The following SELENOF variants were observed in gnomAD, a reference collection of about 807,000 sequenced individuals.
SELENOF encodes the protein 15 kDa selenoprotein.
Under a neutral mutation model 20.5 loss-of-function variants are expected in SELENOF, and 16 were observed. That is an observed-to-expected ratio of 0.78 (90% confidence interval 0.53 to 1.19). The LOEUF is 1.19. SELENOF is among the 50% of genes most tolerant of loss of function. The probability of loss-of-function intolerance (pLI) is 0.00; values close to 1 mark genes in which losing one functional copy is unlikely to be tolerated. For missense variants in SELENOF, 215 were observed against 194.2 expected (o/e 1.11, Z -0.64); for synonymous variants, 78 against 74.5 (o/e 1.05, Z -0.24).
chr1:86,901,993 A>C (rs1009419823), intron 2 of SELENOF, among the ~76,000 whole-genome samples: 2 of 152,194 alleles, frequency 1.3e-5, no homozygotes, highest in African/African-American at 4.8e-5. Context: ...TTGGTTGAGT[A>C]GTAGTACAGC....
At chr1:86,872,800 T>G (rs1251673541) in intron 3 of SELENOF, among the ~76,000 whole-genome samples, 1 of 151,864 alleles carries the variant, frequency 6.6e-6, no homozygotes, top group Admixed American at 6.6e-5. Context: ...CCCAGCACTT[T>G]GGGAGGCCGA....
chr1:86,896,975 T>C (rs1659541014), intron 2 of SELENOF, among the ~76,000 whole-genome samples: 1 of 151,900 alleles, frequency 6.6e-6, no homozygotes, highest in Admixed American at 6.6e-5. Context: ...AAATACTGTG[T>C]GCTAAAGGCT....
intron 3 of SELENOF, among the ~76,000 whole-genome samples, chr1:86,876,396 G>A (rs1658924388): frequency 6.6e-6 from 1 of 152,128 alleles, no homozygotes; most frequent in African/African-American, 2.4e-5. Flanking sequence ...TAAAGCCTTT[G>A]TATTAAAAAT....
intron 3 of SELENOF, among the ~76,000 whole-genome samples, chr1:86,873,012 A>G (rs2740770): frequency 0.12 from 18,463 of 151,658 alleles, 1,217 homozygotes; most frequent in Non-Finnish European, 0.14. Context: ...GCGCCACTGC[A>G]CTCCAGCCTG....
At position 86,898,872 on chromosome 1, in the gene SELENOF, G is replaced by A. The variant is rs564863431; in HGVS notation, c.252+4409C>T. On this transcript the variant is annotated intron_variant, in intron 2 of 4. Coordinates refer to ENST00000331835, the MANE Select transcript of SELENOF (RefSeq NM_004261.5). ...GGTCATAGGACAATAGTGGAGGGAAGGTCAGCAGATAAACAAGTGAACAAA... is the reference window on the plus strand; with the variant it reads ...GGTCATAGGACAATAGTGGAGGGAAAGTCAGCAGATAAACAAGTGAACAAA... Among the ~76,000 whole-genome samples, 41 of 151,604 alleles carry A rather than the reference G, an allele frequency of 2.7e-4. No individual in the cohort carries two copies. In the East Asian group the frequency reaches 7.7e-3, roughly 29 times the overall value.
rs950187958 is a variant in SELENOF at position 86,894,548 on chromosome 1, C to G, written c.252+8733G>C. 5.3e-5 allele frequency among the ~76,000 whole-genome samples: 8 copies of G among 152,130 alleles called. No homozygotes were observed. In the East Asian group the frequency reaches 1.2e-3, roughly 22 times the overall value. On this transcript the variant is annotated intron_variant, in intron 2 of 4. Transcript: ENST00000331835. ...TAGGTTTGTCATAGAAAATTGAGCTCTACCTGGACAACTGGGTGTGTTGGT... is the reference window on the plus strand; with the variant it reads ...TAGGTTTGTCATAGAAAATTGAGCTGTACCTGGACAACTGGGTGTGTTGGT...
intron 1 of SELENOF, among the ~76,000 whole-genome samples, chr1:86,906,675 A>G (rs1023838706): frequency 1.3e-5 from 2 of 152,224 alleles, no homozygotes; most frequent in Non-Finnish European, 2.9e-5. Flanking sequence ...TGAAAACTCC[A>G]GCTGACAACC....
chr1:86,887,340 G>A (rs1486264148), intron 2 of SELENOF: 2 of 943,932 alleles, frequency 2.1e-6, no homozygotes, highest in African/African-American at 1.7e-5. Flanking sequence ...ACAAAGCAAT[G>A]AGTTTATGCC....
At chr1:86,888,675 T>A (rs939974646) in intron 2 of SELENOF, among the ~76,000 whole-genome samples, 27 of 152,218 alleles carry the variant, frequency 1.8e-4, no homozygotes, top group African/African-American at 5.5e-4. Context: ...ATATATATAT[T>A]TTTTTGAGAC....
At chr1:86,909,255 T>A (rs550215465) in intron 1 of SELENOF, among the ~76,000 whole-genome samples, 23 of 152,342 alleles carry the variant, frequency 1.5e-4, no homozygotes, top group African/African-American at 5.5e-4. Context: ...TTTTCAACAA[T>A]TATCTATACT....
upstream of SELENOF, chr1:86,914,420 T>C (rs563786563): frequency 1.4e-5 from 6 of 434,908 alleles, no homozygotes; most frequent in East Asian, 2.6e-4. Context: ...CCCGCCTTCT[T>C]CTCCAAGTTT....
intron 2 of SELENOF, among the ~76,000 whole-genome samples, chr1:86,902,330 G>GA (rs1431091725): frequency 6.6e-6 from 1 of 152,156 alleles, no homozygotes; most frequent in Non-Finnish European, 1.5e-5. Context: ...TTCAGATACA[G>GA]AGAAATCAAG....
intron 4 of SELENOF, among the ~76,000 whole-genome samples, chr1:86,865,135 C>T (rs1252097001): frequency 6.6e-6 from 1 of 151,776 alleles, no homozygotes; most frequent in Non-Finnish European, 1.5e-5. Context: ...AATTATATGC[C>T]ACAATCAGTT....
chr1:86,880,271 G>A (rs1372775026), intron 3 of SELENOF, among the ~76,000 whole-genome samples: 1 of 152,008 alleles, frequency 6.6e-6, no homozygotes, highest in African/African-American at 2.4e-5. Flanking sequence ...GAGTAGCTGG[G>A]ATTATAGGCA....
intron 2 of SELENOF, among the ~76,000 whole-genome samples, chr1:86,892,873 T>C (rs896336033): frequency 1.3e-5 from 2 of 152,214 alleles, no homozygotes; most frequent in Admixed American, 6.5e-5. Context: ...ATTATTAATA[T>C]TGTTAAGTAC....
chr1:86,881,176 A>G (rs1441451109), intron 2 of SELENOF, among the ~76,000 whole-genome samples: 1 of 149,598 alleles, frequency 6.7e-6, no homozygotes, highest in Non-Finnish European at 1.5e-5. Context: ...TTAAAATTAA[A>G]ACAATCGTTA....
intron 3 of SELENOF, among the ~76,000 whole-genome samples, chr1:86,880,232 T>C (rs1203505923): frequency 6.6e-6 from 1 of 151,064 alleles, no homozygotes; most frequent in African/African-American, 2.4e-5. Context: ...GCCTCCCGGG[T>C]TCAAGTGATT....
Position 86,903,025 on chromosome 1 carries a change from G to T in SELENOF, c.252+256C>A, listed in dbSNP as rs184538899. ...AGTTAGGAAGACTGGAGAACTACAG[G>T]ATCAAAGCATGTTATAGGGATTCTA... On this transcript the variant is annotated intron_variant, in intron 2 of 4. Transcript: ENST00000331835. Among the ~76,000 whole-genome samples, 817 of 152,310 alleles carry T rather than the reference G, an allele frequency of 5.4e-3. 10 individuals carry two copies. The highest frequency in any genetic ancestry group is 0.019 in the African/African-American group (775 of 41,562).
intron 2 of SELENOF, among the ~76,000 whole-genome samples, chr1:86,894,298 T>C (rs503199): frequency 0.12 from 17,588 of 151,936 alleles, 1,632 homozygotes; most frequent in African/African-American, 0.25. Context: ...GTAGAAAAAT[T>C]TGAAATAATT....
Sources: allele counts gnomAD v4.1 joint callset (sites outside exome capture counted in the v4.1 genomes callset), GRCh38; gene constraint gnomAD v4.1.1; transcripts MANE v1.5; gene names NCBI Gene and HGNC (gene_info 2026-07-23, HGNC 2026-07-21).